The following IL1RAPL2 variants were observed in gnomAD, a reference collection of about 807,000 sequenced individuals.
IL1RAPL2 encodes the protein interleukin 1 receptor accessory protein like 2, also known as X-linked interleukin-1 receptor accessory protein-like 2.
In IL1RAPL2, 3 loss-of-function variants were observed where a neutral mutation model predicts 44.1. The observed-to-expected ratio is 0.07, with a 90% confidence interval of 0.03 to 0.18. The LOEUF is 0.18. IL1RAPL2 is among the 10% of genes least tolerant of loss of function. The pLI is 1.00. For missense variants in IL1RAPL2, 391 were observed against 496.4 expected (o/e 0.79, Z 2.02); for synonymous variants, 181 against 178.8 (o/e 1.01, Z -0.10).
At chrX:104,666,627 C>T (rs916171929) in intron 2 of IL1RAPL2, among the ~76,000 whole-genome samples, 1 of 112,138 alleles carries the variant, frequency 8.9e-6, no homozygotes, top group Non-Finnish European at 1.9e-5. Context: ...ATTTTATCTG[C>T]CAGAGTGGAG....
At position 105,062,082 on chromosome X, in the gene IL1RAPL2, G is replaced by T. The variant is rs760010131; in HGVS notation, c.83-133393G>T. ...GCTATTTTGTTATTTGTTTTCTGGG[G>T]TTTTTTGTAGTCTTCTCTTCCTTCT... is the stretch of plus-strand genomic sequence containing the variant. On this transcript the variant is annotated intron_variant, in intron 2 of 10. Coordinates refer to ENST00000372582, the MANE Select transcript of IL1RAPL2 (RefSeq NM_017416.2). Among the ~76,000 whole-genome samples, 4 of 111,182 alleles carry T rather than the reference G, an allele frequency of 3.6e-5. No individual in the cohort carries two copies. In the East Asian group the frequency reaches 8.5e-4, roughly 24 times the overall value.
chrX:105,323,598 A>G (rs1047536807), intron 5 of IL1RAPL2, among the ~76,000 whole-genome samples: 3 of 111,906 alleles, frequency 2.7e-5, no homozygotes, highest in Non-Finnish European at 5.6e-5. Context: ...GCTCTCAGCC[A>G]GGCGCGGTGG....
intron 5 of IL1RAPL2, among the ~76,000 whole-genome samples, chrX:105,397,343 TG>T (rs2035571408): frequency 9.0e-6 from 1 of 110,951 alleles, no homozygotes. Context: ...CCAAAAAGGT[TG>T]GGGTCATTGA....
rs181449465 is a variant in IL1RAPL2 at position 104,682,309 on chromosome X, A to G, written c.82+23314A>G. 1.5e-3 allele frequency among the ~76,000 whole-genome samples: 168 copies of G among 112,515 alleles called. 1 individual carries two copies. The highest frequency in any genetic ancestry group is 5.2e-3 in the African/African-American group (161 of 31,065). ...AGGACAGAAATTTCAAAAAATTACA[A>G]TAGATCCTAAAACTGTGCTAGTTGG... On this transcript the variant is annotated intron_variant, in intron 2 of 10. Coordinates refer to ENST00000372582, the MANE Select transcript of IL1RAPL2 (RefSeq NM_017416.2).
chrX:104,616,060 C>T (rs1453300490), intron 1 of IL1RAPL2, among the ~76,000 whole-genome samples: 8 of 111,567 alleles, frequency 7.2e-5, no homozygotes, highest in African/African-American at 2.3e-4. Context: ...CCTTTGCCTA[C>T]TTTTAATGGG....
intron 5 of IL1RAPL2, among the ~76,000 whole-genome samples, chrX:105,480,426 T>G (rs1437918453): frequency 8.9e-6 from 1 of 112,089 alleles, no homozygotes; most frequent in Admixed American, 9.5e-5. Context: ...ACTAGTGTCA[T>G]GGTATACACA....
chrX:104,647,443 T>C, intron 1 of IL1RAPL2: 1 of 611,505 alleles, frequency 1.6e-6, no homozygotes, highest in Non-Finnish European at 2.8e-6. Context: ...GATCCACCTC[T>C]TTGGCTTCCA....
intron 6 of IL1RAPL2, among the ~76,000 whole-genome samples, chrX:105,660,430 A>C (rs1038632934): frequency 9.0e-6 from 1 of 111,485 alleles, no homozygotes; most frequent in African/African-American, 3.3e-5. Flanking sequence ...AAATCATCTG[A>C]GGGTACAAAA....
chrX:105,095,652 G>T (rs1396426734), intron 2 of IL1RAPL2, among the ~76,000 whole-genome samples: 1 of 111,591 alleles, frequency 9.0e-6, no homozygotes. Flanking sequence ...ACATGCAAAA[G>T]AATAAATTTG....
At chrX:105,080,936 C>T (rs1200906007) in intron 2 of IL1RAPL2, among the ~76,000 whole-genome samples, 2 of 111,380 alleles carry the variant, frequency 1.8e-5, no homozygotes, top group African/African-American at 6.5e-5. Context: ...CCTTCACATC[C>T]CTTGTAAGTT....
At chrX:105,253,179 C>G (rs958363242) in intron 4 of IL1RAPL2, among the ~76,000 whole-genome samples, 1 of 111,567 alleles carries the variant, frequency 9.0e-6, no homozygotes, top group African/African-American at 3.3e-5. Context: ...TTCTAGTATT[C>G]CCATTATGCC....
At chrX:105,339,176 G>C (rs1011353819) in intron 5 of IL1RAPL2, among the ~76,000 whole-genome samples, 3 of 111,886 alleles carry the variant, frequency 2.7e-5, no homozygotes, top group Non-Finnish European at 3.8e-5. Flanking sequence ...GCCCCAAACT[G>C]GGATGTTGTG....
intron 2 of IL1RAPL2, among the ~76,000 whole-genome samples, chrX:104,980,218 CA>C (rs747358607): frequency 9.0e-6 from 1 of 110,810 alleles, no homozygotes; most frequent in Non-Finnish European, 1.9e-5. Context: ...GGATTCAGAC[CA>C]GTGTATGCAA....
intron 2 of IL1RAPL2, among the ~76,000 whole-genome samples, chrX:105,046,960 C>T (rs1313332996): frequency 2.7e-5 from 3 of 109,110 alleles, no homozygotes; most frequent in Non-Finnish European, 3.8e-5. Flanking sequence ...GATTTTAAAC[C>T]CCATTCTGCC....
intron 2 of IL1RAPL2, among the ~76,000 whole-genome samples, chrX:105,043,050 G>A (rs1176867776): frequency 2.3e-5 from 2 of 88,242 alleles, no homozygotes; most frequent in East Asian, 4.3e-4. Flanking sequence ...GACACAGGAA[G>A]GGGAACATCA....
intron 2 of IL1RAPL2, among the ~76,000 whole-genome samples, chrX:105,194,258 C>T (rs1016681755): frequency 1.7e-4 from 19 of 111,565 alleles, no homozygotes; most frequent in African/African-American, 5.2e-4. Flanking sequence ...AGATTAAACA[C>T]GCTGGGTTAG....
At chrX:105,698,988 A>T (rs1174442367) in intron 6 of IL1RAPL2, among the ~76,000 whole-genome samples, 5 of 111,756 alleles carry the variant, frequency 4.5e-5, no homozygotes, top group African/African-American at 1.6e-4. Context: ...AACAAAGTAT[A>T]TGCAATACAA....
chrX:105,182,556 T>A (rs1203519702), intron 2 of IL1RAPL2, among the ~76,000 whole-genome samples: 1 of 56,505 alleles, frequency 1.8e-5, no homozygotes, highest in Non-Finnish European at 3.2e-5. Flanking sequence ...CAGCACGTAG[T>A]TGGGTCATGT....
intron 5 of IL1RAPL2, among the ~76,000 whole-genome samples, chrX:105,300,921 CAG>C (rs1158904449): frequency 1.8e-5 from 2 of 111,383 alleles, no homozygotes; most frequent in East Asian, 5.7e-4. Context: ...CTCAGGAAAA[CAG>C]TAGTAGCAAT....
Sources: gnomAD v4.1 joint callset for allele counts (sites outside exome capture counted in the v4.1 genomes callset) on GRCh38, gnomAD v4.1.1 for gene constraint, MANE v1.5 for transcripts, NCBI Gene and HGNC (gene_info 2026-07-23, HGNC 2026-07-21) for gene names.